NKTR: variants seen among roughly 807,000 people sequenced by gnomAD.
The protein encoded by NKTR is natural killer cell triggering receptor.
A neutral mutation model predicts 156.3 loss-of-function variants in NKTR; 67 were observed. That is an observed-to-expected ratio of 0.43 (90% confidence interval 0.35 to 0.53). The LOEUF (loss-of-function observed/expected upper bound fraction) is 0.53. NKTR is among the 20% of genes least tolerant of loss of function. The pLI is 0.01. For synonymous variants in NKTR, 640 were observed against 596.6 expected, an observed-to-expected ratio of 1.07 and a Z score of -1.06; for missense variants, 1,604 against 1,730.9, an observed-to-expected ratio of 0.93 and a Z score of 1.30.
chr3:42,619,234 TGTG>T (rs1407083317), intron 4 of NKTR, 107 bp downstream of exon 4: 90 of 1,528,024 alleles, frequency 5.9e-5, no homozygotes, highest in South Asian at 2.7e-4. Context: ...TGATATAAAA[TGTG>T]GTCAGTGAAT....
chr3:42,601,089 G>A, intron 2 of NKTR, 25 bp downstream of exon 2: 2 of 1,541,398 alleles, frequency 1.3e-6, no homozygotes, highest in Non-Finnish European at 1.7e-6. Flanking sequence ...GGGGAGCGCT[G>A]CTGGGGCCGA....
At chr3:42,627,419 T>C (rs1708487424) in intron 6 of NKTR, 3 of 985,000 alleles carry the variant, frequency 3.0e-6, no homozygotes, top group Non-Finnish European at 3.6e-6. Context: ...TTCAGTGGCT[T>C]GTTTCCACCA....
chr3:42,646,061 C>A lies in NKTR; in HGVS notation c.*86C>A. 1 of 958,562 alleles carries A rather than the reference C, an allele frequency of 1.0e-6. No homozygotes were observed. Among genetic ancestry groups the A allele is most frequent in the Non-Finnish European group, 1.6e-6 (1 of 614,470 alleles). The allele number at this position is 958,562 out of a possible 1,614,324, so 59.4% of individuals were successfully genotyped here. A position where few individuals can be genotyped will look rare whatever the true frequency, so the allele number is the denominator to read the frequency against. ...GTAATGACAGTCTGTTGTTCTATTT[C>A]AATATCAGAGGTGAATTTCAAAAAT... On this transcript the variant is annotated 3_prime_UTR_variant, in exon 17 of 17. Coordinates refer to ENST00000232978, the MANE Select transcript of NKTR (RefSeq NM_005385.4).
chr3:42,635,064 A>G (rs1674121525), intron 11 of NKTR, 157 bp from the exon 12 acceptor site: 1 of 446,716 alleles, frequency 2.2e-6, no homozygotes, highest in Non-Finnish European at 3.7e-6. Flanking sequence ...AACTAAAAAA[A>G]AAAAAAAAAA....
At chr3:42,615,996 A>C (rs1379581175) in intron 2 of NKTR, among the ~76,000 whole-genome samples, 1 of 152,104 alleles carries the variant, frequency 6.6e-6, no homozygotes, top group Non-Finnish European at 1.5e-5. Flanking sequence ...AAGTTTTGAA[A>C]TTGCTTTATA....
At chr3:42,631,955 A>G (rs1037953399) in intron 8 of NKTR, among the ~76,000 whole-genome samples, 3 of 151,868 alleles carry the variant, frequency 2.0e-5, no homozygotes, top group Non-Finnish European at 4.4e-5. Context: ...CTTGCTCTTA[A>G]GTCTCTGTTC....
intron 6 of NKTR, chr3:42,627,311 GA>G (rs536244571): frequency 5.4e-4 from 438 of 814,064 alleles, no homozygotes; most frequent in South Asian, 1.5e-3. Context: ...AACATTTTAA[GA>G]AAAAAAAAAA....
chr3:42,600,834 G>A, intron 1 of NKTR, 56 bp downstream of exon 1: 2 of 430,896 alleles, frequency 4.6e-6, no homozygotes, highest in African/African-American at 2.1e-5. Flanking sequence ...GGCCCGGGGC[G>A]GGAGGGGGCC....
rs1302385687 is a variant in NKTR, at chr3:42,646,862, G to A, written c.*887G>A. 2.6e-5 allele frequency: 4 copies of A among 152,398 alleles called. No individual in the cohort carries two copies. Among genetic ancestry groups the A allele is most frequent in the African/African-American group, 9.7e-5 (4 of 41,414 alleles). The allele number at this position is 152,398 out of a possible 1,614,324, so 9.4% of individuals were successfully genotyped here. ...GAGCTGTCTTCACTTTGACTATTTG[G>A]GGGGCTTCTCTCAAGTACAGATGTG... On this transcript the variant is annotated 3_prime_UTR_variant, in exon 17 of 17. Coordinates refer to ENST00000232978, the MANE Select transcript of NKTR (RefSeq NM_005385.4).
rs374728370 is a variant in NKTR, at chr3:42,626,600, A to G, written c.375-3946A>G. 5.3e-5 allele frequency among the ~76,000 whole-genome samples: 8 copies of G among 152,132 alleles called. No individual in the cohort carries two copies. The East Asian group carries it at 1.2e-3, about 22-fold the overall frequency. The stretch of plus-strand genomic sequence containing the variant: ...TTAACTTCAATGTGTATCTAATATC[A>G]CTGAACAGTAACTAGGGTCCGAACA... On this transcript the variant is annotated intron_variant, in intron 6 of 16. Coordinates refer to ENST00000232978, the MANE Select transcript of NKTR (RefSeq NM_005385.4).
rs913846844 is a variant in NKTR at position 42,646,682 on chromosome 3, A to T, written c.*707A>T. 3.3e-5 allele frequency: 5 copies of T among 152,616 alleles called. No individual in the cohort carries two copies. Among genetic ancestry groups the T allele is most frequent in the Non-Finnish European group, 7.3e-5 (5 of 68,042 alleles). The allele number at this position is 152,616 out of a possible 1,614,324, so 9.5% of individuals were successfully genotyped here. A position where few individuals can be genotyped will look rare whatever the true frequency, so the allele number is the denominator to read the frequency against. On this transcript the variant is annotated 3_prime_UTR_variant, in exon 17 of 17. Coordinates refer to ENST00000232978, the MANE Select transcript of NKTR (RefSeq NM_005385.4). ...TTTATGTTCTTTTTAATCAATACCG[A>T]TCAGAAGTTTAGGTTATAAAAACAA...
rs1057503116 is a variant in NKTR at position 42,617,446 on chromosome 3, T to C, written c.59-124T>C. 7.0e-5 allele frequency: 40 copies of C among 575,476 alleles called. 1 individual carries two copies. The highest frequency in any genetic ancestry group is 9.6e-5 in the Non-Finnish European group (31 of 323,454). The allele number at this position is 575,476 out of a possible 1,614,324, so 35.6% of individuals were successfully genotyped here. ...CAGTTAAATGCTTTCCCATTACATCTTTTAAAAAATTAAAATGAATTACAA... is the reference window on the plus strand; with the variant it reads ...CAGTTAAATGCTTTCCCATTACATCCTTTAAAAAATTAAAATGAATTACAA... On this transcript the variant is annotated intron_variant, in intron 2 of 16. Transcript: ENST00000232978.
intron 2 of NKTR, among the ~76,000 whole-genome samples, chr3:42,609,762 C>G (rs771443807): frequency 2.0e-4 from 31 of 152,134 alleles, no homozygotes; most frequent in Non-Finnish European, 3.2e-4. Flanking sequence ...AGATCCTATA[C>G]TCTTATGGTT....
chr3:42,643,948 A>C lies in NKTR; in HGVS notation c.4246A>C (p.Arg1416=). 1 of 1,614,070 alleles carries C rather than the reference A, an allele frequency of 6.2e-7. No homozygotes were observed. Among genetic ancestry groups the C allele is most frequent in the South Asian group, 1.1e-5 (1 of 91,088 alleles). The change falls in exon 16 of 17, where the codon AGA becomes CGA. Residue 1416 remains arginine, a synonymous_variant. Coordinates refer to ENST00000232978, the MANE Select transcript of NKTR (RefSeq NM_005385.4). ...CTATAGCAGGAGTCGGAGTCGAAGTAGAAGCCAGAGAAGTGACAGTTACCA... is the reference window on the plus strand; with the variant it reads ...CTATAGCAGGAGTCGGAGTCGAAGTCGAAGCCAGAGAAGTGACAGTTACCA... The part of the protein sequence containing the change: ...SYYSRSRSRS[R]SQRSDSYHRG...
intron 6 of NKTR, chr3:42,628,225 A>G: frequency 1.0e-6 from 1 of 985,460 alleles, no homozygotes; most frequent in Non-Finnish European, 1.2e-6. Context: ...TTAATCATTC[A>G]TATCAGGTTT....
intron 13 of NKTR, among the ~76,000 whole-genome samples, chr3:42,640,817 C>T (rs1170835025): frequency 2.6e-5 from 4 of 152,230 alleles, no homozygotes; most frequent in African/African-American, 9.6e-5. Flanking sequence ...CAGGCCATTT[C>T]GTCCCTGTGT....
chr3:42,605,637 A>C (rs543286281), intron 2 of NKTR, among the ~76,000 whole-genome samples: 1 of 152,224 alleles, frequency 6.6e-6, no homozygotes, highest in Non-Finnish European at 1.5e-5. Flanking sequence ...CTCACATTCA[A>C]AATAGCTCAT....
chr3:42,637,048 C>G lies in NKTR; in HGVS notation c.1344C>G (p.Cys448Trp), dbSNP rs1709485886. Residue 448 changes from cysteine to tryptophan, a missense_variant, in exon 13 of 17, where the codon TGC (cysteine) becomes TGG (tryptophan). Cys to Trp is a radical substitution (Grantham distance 215). Transcript: ENST00000232978. ...HKKKGKKQKH[C>W]RRHKQTKKRR... ...AGAAAGGGAAAAAGCAGAAACACTG[C>G]AGAAGACACAAACAAACAAAGAAGA... is the stretch of plus-strand genomic sequence containing the variant. The G allele has an allele frequency of 6.2e-7, 1 of 1,606,920 alleles. No homozygotes were observed. Among genetic ancestry groups the G allele is most frequent in the African/African-American group, 1.3e-5 (1 of 74,080 alleles).
In NKTR at chr3:42,637,472, G is replaced by A. The variant is rs1437935657; in HGVS notation, c.1768G>A (p.Ala590Thr). ...AACAGAACCTTTAAGAGCAACCATG[G>A]CACAAAATGAAAATGTAGTAGTACA... ...VKTEPLRATM[A>T]QNENVVVQPV... Residue 590 changes from alanine (A) to threonine (T), a missense_variant, in exon 13 of 17, where the codon GCA (alanine) becomes ACA (threonine). By Grantham distance (58) the Ala-to-Thr change is moderately conservative. Coordinates refer to ENST00000232978, the MANE Select transcript of NKTR (RefSeq NM_005385.4). 1 of 1,613,338 alleles carries A rather than the reference G, an allele frequency of 6.2e-7. No homozygotes were observed. The highest frequency in any genetic ancestry group is 1.7e-5 in the Admixed American group (1 of 59,868).
Sources: gnomAD v4.1 joint callset for allele counts (sites outside exome capture counted in the v4.1 genomes callset) on GRCh38, gnomAD v4.1.1 for gene constraint, MANE v1.5 for transcripts, NCBI Gene and HGNC (gene_info 2026-07-23, HGNC 2026-07-21) for gene names.